Variants in THSD1 observed in about 807,000 individuals in gnomAD.
The protein encoded by THSD1 is thrombospondin type-1 domain-containing protein 1.
THSD1 carries 34 observed loss-of-function variants against 46.3 expected under a neutral mutation model. The ratio of observed to expected loss-of-function variants is 0.74; its 90% CI spans 0.56 to 0.98. THSD1 has a LOEUF of 0.98. THSD1 is among the 50% of genes least tolerant of loss of function. The probability of loss-of-function intolerance (pLI) is 0.00; values close to 1 mark genes in which losing one functional copy is unlikely to be tolerated. For synonymous variants in THSD1, 407 were observed against 416.5 expected (o/e 0.98, Z 0.28); for missense variants, 1,023 against 1,058.3 (o/e 0.97, Z 0.46).
rs993068594 is a variant in THSD1, at chr13:52,398,024, G to A, written c.229C>T (p.Leu77Phe). 2 of 1,614,100 alleles carry A rather than the reference G, an allele frequency of 1.2e-6. No homozygotes were observed. The highest frequency in any genetic ancestry group is 2.7e-5 in the African/African-American group (2 of 74,938). The change falls in exon 3 of 5, where the codon CTC becomes TTC. Residue 77 changes from leucine (L) to phenylalanine (F), a missense_variant. Coordinates refer to ENST00000258613, the MANE Select transcript of THSD1 (RefSeq NM_018676.4). ...GTTCCCTGGGACTGGTTGGTCAGGA[G>A]GTACTTGGTAGTTACAGTCTGATTG... ...NTNQTVTTKY[L>F]LTNQSQGTLK...
chr13:52,379,650 T>C (rs1957676617), intron 4 of THSD1, among the ~76,000 whole-genome samples: 1 of 152,038 alleles, frequency 6.6e-6, no homozygotes, highest in South Asian at 2.1e-4. Context: ...CATTTTTTAA[T>C]TTTTAGTAAA....
At chr13:52,394,219 T>G (rs534781520) in intron 3 of THSD1, among the ~76,000 whole-genome samples, 2 of 152,260 alleles carry the variant, frequency 1.3e-5, no homozygotes, top group Admixed American at 1.3e-4. Flanking sequence ...CCTGCCCCCA[T>G]GTGACCTTAA....
rs1444095268 is a variant in THSD1, at chr13:52,377,794, G to A, written c.2176C>T (p.Pro726Ser). ...GGCTGCCCCAAAGTGTAGGATTTAGGGAGAGGGTTTAATGGACCACGGGTT... is the reference window on the plus strand; with the variant it reads ...GGCTGCCCCAAAGTGTAGGATTTAGAGAGAGGGTTTAATGGACCACGGGTT... ...SGTRGPLNPLPKSYTLGQPLR... is the reference protein window; with the variant it reads ...SGTRGPLNPLSKSYTLGQPLR... Residue 726 changes from proline to serine, a missense_variant, in exon 5 of 5, where the codon CCT becomes TCT. Around this residue, in one of 3 missense-constraint regions of THSD1, gnomAD observed 578 missense variants for 497.4 expected, o/e 1.16. Transcript: ENST00000258613. 1.2e-6 allele frequency: 2 copies of A among 1,614,200 alleles called. No homozygotes were observed. Among genetic ancestry groups the A allele is most frequent in the Admixed American group, 3.3e-5 (2 of 60,020 alleles).
intron 4 of THSD1, among the ~76,000 whole-genome samples, chr13:52,384,739 A>G (rs1471730104): frequency 6.6e-6 from 1 of 152,180 alleles, no homozygotes; most frequent in Non-Finnish European, 1.5e-5. Context: ...CCATCCCAGA[A>G]TTGAGAGAAT....
At chr13:52,391,035 C>T (rs1439092939) in intron 3 of THSD1, among the ~76,000 whole-genome samples, 1 of 152,122 alleles carries the variant, frequency 6.6e-6, no homozygotes, top group Non-Finnish European at 1.5e-5. Context: ...CCTGAGAATG[C>T]ATCTGCCCTA....
Position 52,378,465 on chromosome 13 carries a change from C to G in THSD1, c.1505G>C (p.Gly502Ala), listed in dbSNP as rs753290492. 8 of 1,614,062 alleles carry G rather than the reference C, an allele frequency of 5.0e-6. No individual in the cohort carries two copies. Among genetic ancestry groups the G allele is most frequent in the Non-Finnish European group, 6.8e-6 (8 of 1,180,056 alleles). Residue 502 changes from glycine (G) to alanine (A), a missense_variant, in exon 5 of 5, where the codon GGG becomes GCG. Physicochemically the swap from Gly to Ala is moderately conservative, Grantham distance 60. Transcript: ENST00000258613. Reference protein sequence around the residue: ...TGIPLTYRRSGPVPPEDDASG... With the variant: ...TGIPLTYRRSAPVPPEDDASG... ...GGCATCATCCTCGGGAGGTACCGGCCCGCTCCGCCTGTAGGTCAGAGGGAT... is the reference window on the plus strand; with the variant it reads ...GGCATCATCCTCGGGAGGTACCGGCGCGCTCCGCCTGTAGGTCAGAGGGAT...
chr13:52,377,834 G>T lies in THSD1; in HGVS notation c.2136C>A (p.Phe712Leu), dbSNP rs80140239. ...GACCACGGGTTCCACTTGCCTCTTG[G>T]AAATGCTCCAGTTTTTCAGGAAACA... ...AHLFPEKLEH[F>L]QEASGTRGPL... The change falls in exon 5 of 5, where the codon TTC (phenylalanine) becomes TTA (leucine). Residue 712 changes from phenylalanine (F) to leucine (L), a missense_variant. This residue lies in a region of THSD1 where 578 missense variants were observed against 497.4 expected (regional missense o/e 1.16). Coordinates refer to ENST00000258613, the MANE Select transcript of THSD1 (RefSeq NM_018676.4). 1 of 1,614,180 alleles carries T rather than the reference G, an allele frequency of 6.2e-7. No individual in the cohort carries two copies. Among genetic ancestry groups the T allele is most frequent in the Non-Finnish European group, 8.5e-7 (1 of 1,180,040 alleles).
In THSD1 at chr13:52,406,169, C is replaced by G. The variant is rs1957905789; in HGVS notation, c.-220G>C. ...GCCCTGACCCCGCGGCGTTCGGCTC[C>G]CACAGCCCCGCGGGGCCCGCCCCCG... is the stretch of plus-strand genomic sequence containing the variant. On this transcript the variant is annotated 5_prime_UTR_variant, in exon 1 of 5. Coordinates refer to ENST00000258613, the MANE Select transcript of THSD1 (RefSeq NM_018676.4). 1 of 152,218 alleles carries G rather than the reference C, an allele frequency of 6.6e-6. No homozygotes were observed. Among genetic ancestry groups the G allele is most frequent in the South Asian group, 2.1e-4 (1 of 4,836 alleles). The allele number at this position is 152,218 out of a possible 1,614,324, so 9.4% of individuals were successfully genotyped here.
Position 52,403,230 on chromosome 13 carries a change from T to A in THSD1, c.-81-549A>T, listed in dbSNP as rs555551314. 6.6e-5 allele frequency among the ~76,000 whole-genome samples: 10 copies of A among 152,058 alleles called. No homozygotes were observed. In the East Asian group the frequency reaches 9.7e-4, roughly 15 times the overall value. ...TACATCCAAGTGATCAAAGCTTTTT[T>A]AAAAAAAAGATACCCCAGAATACTA... On this transcript the variant is annotated intron_variant, in intron 1 of 4. Coordinates refer to ENST00000258613, the MANE Select transcript of THSD1 (RefSeq NM_018676.4).
intron 2 of THSD1, 69 bp downstream of exon 2, chr13:52,402,474 A>G (rs1594105360): frequency 2.0e-6 from 3 of 1,469,720 alleles, no homozygotes; most frequent in Non-Finnish European, 2.9e-6. Flanking sequence ...CATCAACATC[A>G]ATGCATTTAT....
At chr13:52,382,608 G>T (rs1358085929) in intron 4 of THSD1, among the ~76,000 whole-genome samples, 2 of 152,000 alleles carry the variant, frequency 1.3e-5, no homozygotes, top group Non-Finnish European at 2.9e-5. Flanking sequence ...CTCTTAATGT[G>T]CCATCTTCCC....
At chr13:52,383,462 G>C (rs983253008) in intron 4 of THSD1, among the ~76,000 whole-genome samples, 5 of 152,318 alleles carry the variant, frequency 3.3e-5, no homozygotes, top group Non-Finnish European at 5.9e-5. Context: ...AAAAACAGTT[G>C]AATGATGAAA....
chr13:52,394,285 GT>G (rs918399778), intron 3 of THSD1, among the ~76,000 whole-genome samples: 8 of 152,038 alleles, frequency 5.3e-5, no homozygotes, highest in African/African-American at 1.4e-4. Context: ...AGTTCAGTCA[GT>G]TTTTTTTCCC....
intron 3 of THSD1, among the ~76,000 whole-genome samples, chr13:52,388,408 A>C (rs1957749332): frequency 6.6e-6 from 1 of 152,132 alleles, no homozygotes; most frequent in Non-Finnish European, 1.5e-5. Context: ...GGTAAAAATC[A>C]TTTTTCTCAT....
intron 3 of THSD1, among the ~76,000 whole-genome samples, chr13:52,389,376 G>C (rs1050422000): frequency 1.3e-5 from 2 of 152,054 alleles, no homozygotes; most frequent in Admixed American, 1.3e-4. Context: ...AAAACAGAAT[G>C]GATGTAACAA....
In THSD1 at chr13:52,377,965, T is replaced by A. The variant is rs1039353705; in HGVS notation, c.2005A>T (p.Ser669Cys). 4 of 1,614,026 alleles carry A rather than the reference T, an allele frequency of 2.5e-6. No individual in the cohort carries two copies. Among genetic ancestry groups the A allele is most frequent in the Non-Finnish European group, 3.4e-6 (4 of 1,180,048 alleles). The change falls in exon 5 of 5, where the codon AGC becomes TGC. Residue 669 changes from serine (S) to cysteine (C), a missense_variant. Around this residue, in one of 3 missense-constraint regions of THSD1, gnomAD observed 578 missense variants for 497.4 expected, o/e 1.16. Coordinates refer to ENST00000258613, the MANE Select transcript of THSD1 (RefSeq NM_018676.4). ...ARQARPFRER[S>C]MSTLTPRQAP... Reference sequence around the variant, plus strand: ...TGCCGTGGAGTCAGAGTGGACATGCTCCTCTCTCGGAACGGCCGGGCCTGC... The same window carrying A: ...TGCCGTGGAGTCAGAGTGGACATGCACCTCTCTCGGAACGGCCGGGCCTGC...
chr13:52,391,394 T>A (rs1053290691), intron 3 of THSD1, among the ~76,000 whole-genome samples: 4 of 152,040 alleles, frequency 2.6e-5, no homozygotes, highest in African/African-American at 9.6e-5. Context: ...ATTTTTGCAT[T>A]TTCTGTAGAG....
chr13:52,396,762 G>T (rs9536059), intron 3 of THSD1, among the ~76,000 whole-genome samples: 5 of 151,984 alleles, frequency 3.3e-5, no homozygotes, highest in Non-Finnish European at 5.9e-5. Context: ...CACTAAAAAG[G>T]CCCCATTCCT....
rs368698448 is a variant in THSD1, at chr13:52,377,881, G to A, written c.2089C>T (p.Pro697Ser). The A allele has an allele frequency of 9.3e-6, 15 of 1,614,074 alleles. No individual in the cohort carries two copies. In the African/African-American group the frequency reaches 1.5e-4, roughly 16 times the overall value. The change falls in exon 5 of 5, where the codon CCT (proline) becomes TCT (serine). Residue 697 changes from proline to serine, a missense_variant. By Grantham distance (74) the Pro-to-Ser change is moderately conservative. Transcript: ENST00000258613. ...TCEQAEDRFR[P>S]QSRGAHLFPE... ...AACAGGTGGGCACCTCGACTCTGAGGCCTAAATCTGTCCTCTGCCTGCTCG... is the reference window on the plus strand; with the variant it reads ...AACAGGTGGGCACCTCGACTCTGAGACCTAAATCTGTCCTCTGCCTGCTCG...
Sources: gnomAD v4.1 joint callset for allele counts (sites outside exome capture counted in the v4.1 genomes callset) on GRCh38, gnomAD v4.1.1 for gene constraint, gnomAD v4.1.1 regional missense constraint, MANE v1.5 for transcripts, NCBI Gene and HGNC (gene_info 2026-07-23, HGNC 2026-07-21) for gene names.